The following AKR1D1 variants were observed in gnomAD, a reference collection of about 807,000 sequenced individuals.
AKR1D1 encodes the protein delta(4)-3-ketosteroid 5-beta-reductase.
Under a neutral mutation model 42.6 loss-of-function variants are expected in AKR1D1, and 32 were observed. That is an observed-to-expected ratio of 0.75 (90% CI 0.57 to 1.01). The LOEUF (loss-of-function observed/expected upper bound fraction) is 1.01. Among genes scored for constraint, AKR1D1 ranks in the 50% least tolerant of loss-of-function variants. The pLI, the probability that AKR1D1 is intolerant of heterozygous loss-of-function variation, is 0.00. For synonymous variants in AKR1D1, 123 were observed against 135.5 expected (o/e 0.91, Z 0.64); for missense variants, 364 against 402.2 (o/e 0.91, Z 0.81).
chr7:138,098,805 A>G (rs1201251293), intron 4 of AKR1D1, among the ~76,000 whole-genome samples: 3 of 152,034 alleles, frequency 2.0e-5, no homozygotes, highest in African/African-American at 7.2e-5. Context: ...GACCTAGAGT[A>G]GAAGTCAACC....
At chr7:138,100,149 C>CAAAAA (rs1794267574) in intron 4 of AKR1D1, among the ~76,000 whole-genome samples, 1 of 82,420 alleles carries the variant, frequency 1.2e-5, no homozygotes, top group African/African-American at 4.6e-5. Context: ...ACTTCCAGAG[C>CAAAAA]ATAATAAATA....
In AKR1D1 at chr7:138,113,022, A is replaced by G. The variant is rs552597705; in HGVS notation, c.856-668A>G. Among the ~76,000 whole-genome samples the G allele has an allele frequency of 1.6e-3, 245 of 152,310 alleles. 1 individual carries two copies. Among genetic ancestry groups the G allele is most frequent in the African/African-American group, 5.7e-3 (238 of 41,584 alleles). The stretch of plus-strand genomic sequence containing the variant: ...AAAGCAAATTAAAAGTTTTTTTAAA[A>G]AGCAAATTTAGGCCAGGCGTGGTGA... On this transcript the variant is annotated intron_variant, in intron 7 of 8. Transcript: ENST00000242375.
chr7:138,096,711 T>C (rs933346810), intron 3 of AKR1D1, among the ~76,000 whole-genome samples: 1 of 152,168 alleles, frequency 6.6e-6, no homozygotes, highest in Non-Finnish European at 1.5e-5. Context: ...CTGTAAACAT[T>C]TTCTTCTCAT....
In AKR1D1 at chr7:138,097,904, A is replaced by G; in HGVS notation, c.417A>G (p.Lys139=). The change falls in exon 4 of 9, where the codon AAA becomes AAG. Residue 139 remains lysine, a synonymous_variant. Coordinates refer to ENST00000242375, the MANE Select transcript of AKR1D1 (RefSeq NM_005989.4). The part of the protein sequence containing the change: ...DEIYPRDENG[K]WLYHKSNLCA... ...TATACCCTAGAGATGAGAATGGCAA[A>G]TGGTTATATCACAAGTCAAATCTGT... 1 of 1,611,410 alleles carries G rather than the reference A, an allele frequency of 6.2e-7. No individual in the cohort carries two copies. Among genetic ancestry groups the G allele is most frequent in the Non-Finnish European group, 8.5e-7 (1 of 1,179,242 alleles).
chr7:138,094,659 G>A (rs991508367), intron 3 of AKR1D1, among the ~76,000 whole-genome samples: 2 of 152,154 alleles, frequency 1.3e-5, no homozygotes, highest in Admixed American at 6.5e-5. Context: ...GAGACTACAG[G>A]TGTGTGCCAC....
intron 7 of AKR1D1, among the ~76,000 whole-genome samples, chr7:138,107,980 A>T (rs1794466650): frequency 6.6e-6 from 1 of 152,022 alleles, no homozygotes; most frequent in South Asian, 2.1e-4. Flanking sequence ...CACTGTACCC[A>T]GCCTCTTCCC....
rs562414834 is a variant in AKR1D1, at chr7:138,100,272, A to G, written c.456+2329A>G. On this transcript the variant is annotated intron_variant, in intron 4 of 8. Transcript: ENST00000242375. Reference sequence around the variant, plus strand: ...AGAAAAGTAGCAAATAAAGGGCAAGATGGGAGATTTAAACTCACTAATATC... The same window carrying G: ...AGAAAAGTAGCAAATAAAGGGCAAGGTGGGAGATTTAAACTCACTAATATC... 2.0e-5 allele frequency among the ~76,000 whole-genome samples: 3 copies of G among 152,164 alleles called. No individual in the cohort carries two copies. The East Asian group carries it at 5.8e-4, about 29-fold the overall frequency.
chr7:138,113,803 A>G (rs1486514164), intron 8 of AKR1D1, 31 bp downstream of exon 8: 2 of 1,592,156 alleles, frequency 1.3e-6, no homozygotes, highest in East Asian at 2.2e-5. Flanking sequence ...ATGGGTATTG[A>G]CCAGTGGTAT....
At chr7:138,112,642 C>A (rs1446365936) in intron 7 of AKR1D1, among the ~76,000 whole-genome samples, 1 of 151,928 alleles carries the variant, frequency 6.6e-6, no homozygotes, top group Non-Finnish European at 1.5e-5. Flanking sequence ...ATTATTTATT[C>A]CATATGGGTC....
rs59361346 is a variant in AKR1D1 at position 138,100,088 on chromosome 7, C to CAA, written c.456+2174_456+2175dup. 3.4e-3 allele frequency among the ~76,000 whole-genome samples: 149 copies of CAA among 43,558 alleles called. 23 individuals carry two copies. The highest frequency in any genetic ancestry group is 0.031 in the Middle Eastern group (1 of 32). 28.6% of individuals were successfully genotyped at this position (43,558 alleles called of 152,430 possible). Reference sequence around the variant, plus strand: ...TGGGCAATATAGCGAGATTTCATCTCAAAAAAAAAAAAAAAAAAAAAAAAA... The same window carrying CAA: ...TGGGCAATATAGCGAGATTTCATCTCAAAAAAAAAAAAAAAAAAAAAAAAAAA... On this transcript the variant is annotated intron_variant, in intron 4 of 8. Coordinates refer to ENST00000242375, the MANE Select transcript of AKR1D1 (RefSeq NM_005989.4).
At chr7:138,115,430 A>T (rs1310621219) in intron 8 of AKR1D1, among the ~76,000 whole-genome samples, 3 of 152,220 alleles carry the variant, frequency 2.0e-5, no homozygotes, top group African/African-American at 7.2e-5. Context: ...CTGTCTCAAA[A>T]CAAAACAAAA....
chr7:138,093,289 G>A (rs531089654), intron 3 of AKR1D1, among the ~76,000 whole-genome samples: 76 of 152,046 alleles, frequency 5.0e-4, no homozygotes, highest in African/African-American at 1.7e-3. Context: ...GGATGGTCTC[G>A]ATCTCCTGAC....
intron 1 of AKR1D1, among the ~76,000 whole-genome samples, chr7:138,082,915 A>G (rs1165773868): frequency 6.6e-6 from 1 of 152,186 alleles, no homozygotes; most frequent in Admixed American, 6.5e-5. Flanking sequence ...GTCAGTGAAC[A>G]TTTAGGTTGT....
intron 4 of AKR1D1, among the ~76,000 whole-genome samples, chr7:138,098,551 A>G (rs1794228376): frequency 6.6e-6 from 1 of 152,190 alleles, no homozygotes; most frequent in Non-Finnish European, 1.5e-5. Context: ...CAGAGGTTGC[A>G]GTGAGCCGAG....
At chr7:138,111,451 G>T (rs1405388583) in intron 7 of AKR1D1, among the ~76,000 whole-genome samples, 2 of 152,144 alleles carry the variant, frequency 1.3e-5, no homozygotes, top group Non-Finnish European at 2.9e-5. Flanking sequence ...CACATTGCTA[G>T]ATCCAGTAAT....
At position 138,091,792 on chromosome 7, in the gene AKR1D1, G is replaced by A. The variant is rs200313562; in HGVS notation, c.286G>A (p.Glu96Lys). ...GCTATGGGCTACAAATCATGTCCCA[G>A]AGATGGTCCGCCCAACCCTGGAGAG... ...GKLWATNHVP[E>K]MVRPTLERTL... is the part of the protein sequence containing the mutation. The change falls in exon 3 of 9, where the codon GAG (glutamate) becomes AAG (lysine). Residue 96 changes from glutamate to lysine, a missense_variant. Physicochemically the swap from Glu to Lys is moderately conservative, Grantham distance 56 (BLOSUM62 1). Coordinates refer to ENST00000242375, the MANE Select transcript of AKR1D1 (RefSeq NM_005989.4). 3.5e-5 allele frequency: 56 copies of A among 1,613,720 alleles called. No individual in the cohort carries two copies. Among genetic ancestry groups the A allele is most frequent in the Non-Finnish European group, 4.2e-5 (50 of 1,179,722 alleles).
chr7:138,091,833 C>T lies in AKR1D1; in HGVS notation c.327C>T (p.Leu109=). ...CCCTGGAGAGGACACTCAGGGTCCTCCAGCTAGATTATGTGGATCTTTACA... is the reference window on the plus strand; with the variant it reads ...CCCTGGAGAGGACACTCAGGGTCCTTCAGCTAGATTATGTGGATCTTTACA... ...RPTLERTLRV[L]QLDYVDLYII... Residue 109 remains leucine, a synonymous_variant, in exon 3 of 9, where the codon CTC becomes CTT. Transcript: ENST00000242375. 6.2e-7 allele frequency: 1 copy of T among 1,614,096 alleles called. No individual in the cohort carries two copies. Among genetic ancestry groups the T allele is most frequent in the East Asian group, 2.2e-5 (1 of 44,878 alleles).
At chr7:138,099,601 G>C (rs530878093) in intron 4 of AKR1D1, among the ~76,000 whole-genome samples, 1 of 151,518 alleles carries the variant, frequency 6.6e-6, no homozygotes, top group Non-Finnish European at 1.5e-5. Context: ...AAAAGGACAA[G>C]AATTTTTTAA....
intron 4 of AKR1D1, among the ~76,000 whole-genome samples, chr7:138,098,816 C>T (rs1794235353): frequency 6.6e-6 from 1 of 151,974 alleles, no homozygotes; most frequent in African/African-American, 2.4e-5. Flanking sequence ...GAAGTCAACC[C>T]AACAAGCAGG....
Sources: allele counts gnomAD v4.1 joint callset (sites outside exome capture counted in the v4.1 genomes callset), GRCh38; gene constraint gnomAD v4.1.1; transcripts MANE v1.5; gene names NCBI Gene and HGNC (gene_info 2026-07-23, HGNC 2026-07-21).